The following ACTG2 variants were observed in gnomAD, a reference collection of about 807,000 sequenced individuals.
ACTG2 encodes the protein actin, gamma-enteric smooth muscle.
A neutral mutation model predicts 37.6 loss-of-function variants in ACTG2; 16 were observed. The observed-to-expected ratio is 0.43, with a 90% CI of 0.29 to 0.65. The LOEUF (loss-of-function observed/expected upper bound fraction) is 0.65, where lower values mean the gene tolerates loss of function less well. Among genes scored for constraint, ACTG2 ranks in the 30% least tolerant of loss-of-function variants. The pLI is 0.18. For synonymous variants in ACTG2, 181 were observed against 179.9 expected (o/e 1.01, Z -0.05); for missense variants, 238 against 490.9 (o/e 0.48, Z 4.87).
chr2:73,895,093 G>C (rs1248100867), intron 1 of ACTG2, among the ~76,000 whole-genome samples: 1 of 152,144 alleles, frequency 6.6e-6, no homozygotes, highest in Non-Finnish European at 1.5e-5. Context: ...AGGGCATTGG[G>C]CATGGGCTCA....
chr2:73,911,491 A>T (rs555469045), intron 5 of ACTG2, among the ~76,000 whole-genome samples: 1 of 152,268 alleles, frequency 6.6e-6, no homozygotes, highest in South Asian at 2.1e-4. Flanking sequence ...TCAAAAAAAA[A>T]ATAAAAAAAT....
chr2:73,907,782 A>G (rs1160352053), intron 3 of ACTG2, among the ~76,000 whole-genome samples: 3 of 152,178 alleles, frequency 2.0e-5, no homozygotes, highest in Non-Finnish European at 4.4e-5. Context: ...ACAACTGGAA[A>G]ACTGCTGCTA....
Position 73,916,851 on chromosome 2 carries a change from C to T in ACTG2, c.987+86C>T, listed in dbSNP as rs187656175. 4.7e-6 allele frequency: 7 copies of T among 1,480,920 alleles called. No homozygotes were observed. In the Admixed American group the frequency reaches 1.5e-4, roughly 31 times the overall value. 91.7% of individuals were successfully genotyped at this position (1,480,920 alleles called of 1,614,324 possible). On this transcript the variant is annotated intron_variant, in intron 8 of 8. Coordinates refer to ENST00000345517, the MANE Select transcript of ACTG2 (RefSeq NM_001615.4). The stretch of plus-strand genomic sequence containing the variant: ...GTTCCTCGGAGGCAGACTGCCAGAC[C>T]TGATAACTTGCTGGTCTCCTGGGTT...
chr2:73,908,539 G>A, intron 3 of ACTG2, 134 bp from the exon 4 acceptor site: 3 of 763,208 alleles, frequency 3.9e-6, no homozygotes, highest in East Asian at 2.7e-5. Flanking sequence ...AATTTCCAGG[G>A]CTGACCATTC....
rs769416077 is a variant in ACTG2 at position 73,916,578 on chromosome 2, C to T, written c.806-6C>T. ...CCTGTTGACCAGACACTGTGATCTC[C>T]ACTAGGCATGGAGTCCGCTGGAATT... On this transcript the variant is annotated splice_polypyrimidine_tract_variant and splice_region_variant and intron_variant, in intron 7 of 8. Coordinates refer to ENST00000345517, the MANE Select transcript of ACTG2 (RefSeq NM_001615.4). 9.3e-6 allele frequency: 15 copies of T among 1,610,408 alleles called. No homozygotes were observed. Among genetic ancestry groups the T allele is most frequent in the East Asian group, 4.5e-5 (2 of 44,836 alleles).
In ACTG2 at chr2:73,897,368, C is replaced by T. The variant is rs13390024; in HGVS notation, c.-36-3908C>T. 4.8e-3 allele frequency: 740 copies of T among 152,654 alleles called. 3 individuals are homozygous for T. Among genetic ancestry groups the T allele is most frequent in the African/African-American group, 0.017 (703 of 41,576 alleles). The allele number at this position is 152,654 out of a possible 1,614,324, so 9.5% of individuals were successfully genotyped here. On this transcript the variant is annotated intron_variant, in intron 1 of 8. Coordinates refer to ENST00000345517, the MANE Select transcript of ACTG2 (RefSeq NM_001615.4). ...AGGGGACCCTAGAGGGAGGCAGTCC[C>T]GGAGCACAGCTTTGCTTCTTTGGCT...
At chr2:73,913,733 T>G in intron 6 of ACTG2, 87 bp downstream of exon 6, 4 of 1,216,720 alleles carry the variant, frequency 3.3e-6, no homozygotes, top group Non-Finnish European at 4.7e-6. Context: ...GAGAATTCTG[T>G]GACTCTGTGT....
chr2:73,911,111 T>C (rs1680125131), intron 5 of ACTG2, among the ~76,000 whole-genome samples: 1 of 152,192 alleles, frequency 6.6e-6, no homozygotes, highest in Non-Finnish European at 1.5e-5. Context: ...CCTTCTGGAA[T>C]ATCTCCGGAA....
At chr2:73,913,781 C>T in intron 6 of ACTG2, 135 bp downstream of exon 6, 1 of 736,412 alleles carries the variant, frequency 1.4e-6, no homozygotes, top group Non-Finnish European at 2.2e-6. Flanking sequence ...AGGCCTTAAG[C>T]TGGGGCTAGG....
chr2:73,905,898 T>C lies in ACTG2; in HGVS notation c.256-2775T>C, dbSNP rs1365498610. ...AGTAATGTGATTAAATATATGATAG[T>C]ATATGATAAAATGTTATATAAGCAT... On this transcript the variant is annotated intron_variant, in intron 3 of 8. Transcript: ENST00000345517. 2.6e-5 allele frequency among the ~76,000 whole-genome samples: 4 copies of C among 152,090 alleles called. No individual in the cohort carries two copies. The South Asian group carries it at 8.3e-4, about 32-fold the overall frequency.
At chr2:73,901,578 G>GTGTC (rs1382053565) in intron 2 of ACTG2, 141 bp downstream of exon 2, 3 of 96,636 alleles carry the variant, frequency 3.1e-5, no homozygotes, top group East Asian at 2.0e-4. Flanking sequence ...GTGTGTGTGT[G>GTGTC]TGTCTGTGCG....
intron 1 of ACTG2, among the ~76,000 whole-genome samples, chr2:73,899,806 T>C (rs1380553770): frequency 1.3e-5 from 2 of 152,156 alleles, no homozygotes; most frequent in African/African-American, 4.8e-5. Context: ...GAGTGAGGAC[T>C]CATCTCTGGG....
Position 73,901,532 on chromosome 2 carries a change from ATGTGTGTGTGTGTGTGTGTGTGTG to A in ACTG2, c.126+121_126+144del, listed in dbSNP as rs58042852. 34 of 1,144,908 alleles carry A rather than the reference ATGTGTGTGTGTGTGTGTGTGTGTG, an allele frequency of 3.0e-5. 6 individuals carry two copies. The highest frequency in any genetic ancestry group is 1.5e-4 in the African/African-American group (8 of 52,528). The allele number at this position is 1,144,908 out of a possible 1,614,324, so 70.9% of individuals were successfully genotyped here. ...CTGAGCTGGGGGTTAGGGGAAGGAA[ATGTGTGTGTGTGTGTGTGTGTGTG>A]TGTGTGTGTGTGTGTGTGTGTGTGT... On this transcript the variant is annotated intron_variant, in intron 2 of 8. Coordinates refer to ENST00000345517, the MANE Select transcript of ACTG2 (RefSeq NM_001615.4).
chr2:73,907,351 C>T (rs1489912906), intron 3 of ACTG2, among the ~76,000 whole-genome samples: 1 of 152,174 alleles, frequency 6.6e-6, no homozygotes, highest in African/African-American at 2.4e-5. Flanking sequence ...CTGTGCCTCA[C>T]CTCTGAGGAA....
intron 7 of ACTG2, among the ~76,000 whole-genome samples, chr2:73,915,087 G>A (rs2104822919): frequency 6.6e-6 from 1 of 152,216 alleles, no homozygotes; most frequent in African/African-American, 2.4e-5. Context: ...TACAGGAAAA[G>A]CAGAACAGGA....
At chr2:73,896,411 T>C (rs576552938) in intron 1 of ACTG2, among the ~76,000 whole-genome samples, 2 of 152,168 alleles carry the variant, frequency 1.3e-5, no homozygotes, top group South Asian at 4.1e-4. Context: ...AGGCCGGAAT[T>C]TGCCTTACCC....
At chr2:73,904,191 G>A (rs1176791366) in intron 3 of ACTG2, among the ~76,000 whole-genome samples, 3 of 138,132 alleles carry the variant, frequency 2.2e-5, no homozygotes, top group Non-Finnish European at 4.6e-5. Flanking sequence ...GGAGGCTGCA[G>A]TGAGCTGTGT....
chr2:73,900,836 T>G (rs1679857086), intron 1 of ACTG2, among the ~76,000 whole-genome samples: 1 of 152,182 alleles, frequency 6.6e-6, no homozygotes, highest in South Asian at 2.1e-4. Flanking sequence ...CTTCCAGAAC[T>G]TTTAGCTTCT....
At chr2:73,911,673 C>T (rs927236409) in intron 5 of ACTG2, among the ~76,000 whole-genome samples, 7 of 152,128 alleles carry the variant, frequency 4.6e-5, no homozygotes, top group Non-Finnish European at 8.8e-5. Flanking sequence ...TGCCCTATGA[C>T]GTGATGTCAG....
Sources: gnomAD v4.1 joint callset for allele counts (sites outside exome capture counted in the v4.1 genomes callset) on GRCh38, gnomAD v4.1.1 for gene constraint, MANE v1.5 for transcripts, NCBI Gene and HGNC (gene_info 2026-07-23, HGNC 2026-07-21) for gene names.